CD34: variants seen among roughly 807,000 people sequenced by gnomAD.
CD34 encodes the protein CD34 molecule, also known as hematopoietic progenitor cell antigen CD34.
CD34 carries 34 observed loss-of-function variants against 40.1 expected under a neutral mutation model. That is an observed-to-expected ratio of 0.85 (90% CI 0.65 to 1.13). The LOEUF is 1.13. Ranked by LOEUF, CD34 falls within the 50% of genes most tolerant of loss-of-function variation. The pLI, the probability that CD34 is intolerant of heterozygous loss-of-function variation, is 0.00. For synonymous variants in CD34, 209 were observed against 190.0 expected, an observed-to-expected ratio of 1.10 and a Z score of -0.82; for missense variants, 426 against 466.9, an observed-to-expected ratio of 0.91 and a Z score of 0.81.
rs1662005159 is a variant in CD34 at position 207,890,273 on chromosome 1, A to G, written c.598-652T>C. The G allele has an allele frequency of 6.1e-6, 6 of 990,926 alleles. No individual in the cohort carries two copies. The South Asian group carries it at 2.3e-4, about 38-fold the overall frequency. The allele number at this position is 990,926 out of a possible 1,614,324, so 61.4% of individuals were successfully genotyped here. A position where few individuals can be genotyped will look rare whatever the true frequency, so the allele number is the denominator to read the frequency against. ...AGACCCAGGAATTTGGACTCAGAAG[A>G]AAAACTCTGATAATTCTTCAATAGT... On this transcript the variant is annotated intron_variant, in intron 4 of 7. Coordinates refer to ENST00000310833, the MANE Select transcript of CD34 (RefSeq NM_001025109.2).
Position 207,887,560 on chromosome 1 carries a change from A to T in CD34, c.*178T>A. On this transcript the variant is annotated 3_prime_UTR_variant, in exon 8 of 8. Coordinates refer to ENST00000310833, the MANE Select transcript of CD34 (RefSeq NM_001025109.2). ...CTCCAGGGAGCCGAATGTGTAAAGG[A>T]CAGGAGTTTACCTGCCCCTCCTCAA... is the stretch of plus-strand genomic sequence containing the variant. The T allele has an allele frequency of 1.2e-6, 1 of 807,674 alleles. No homozygotes were observed. Among genetic ancestry groups the T allele is most frequent in the Non-Finnish European group, 1.9e-6 (1 of 523,580 alleles). 50.0% of individuals were successfully genotyped at this position (807,674 alleles called of 1,614,324 possible).
In CD34 at chr1:207,898,437, T is replaced by C. The variant is rs138919097; in HGVS notation, c.516+536A>G. ...TTTCTGTCCTGCATGCTGAAAGCTG[T>C]TGACAGTCATAGGCCCTAAGGCTGA... On this transcript the variant is annotated intron_variant, in intron 3 of 7. Transcript: ENST00000310833. Among the ~76,000 whole-genome samples the C allele has an allele frequency of 2.6e-3, 392 of 152,296 alleles. 3 individuals carry two copies. Among genetic ancestry groups the C allele is most frequent in the African/African-American group, 9.1e-3 (378 of 41,562 alleles).
chr1:207,904,850 A>C (rs941252370), intron 1 of CD34, among the ~76,000 whole-genome samples: 1 of 152,216 alleles, frequency 6.6e-6, no homozygotes, highest in African/African-American at 2.4e-5. Context: ...GGAGTTTAGG[A>C]AAAGCAATAG....
In CD34 at chr1:207,911,061, G is replaced by T. The variant is rs1453770077; in HGVS notation, c.20C>A (p.Ala7Glu). Residue 7 changes from alanine to glutamate, a missense_variant, in exon 1 of 8, where the codon GCG (alanine) becomes GAG (glutamate). Physicochemically the swap from Ala to Glu is moderately radical, Grantham distance 107. Transcript: ENST00000310833. MLVRRG[A>E]RAGPRMPRGW... is the part of the protein sequence containing the mutation. Reference sequence around the variant, plus strand: ...CCGCGGCATCCTGGGCCCTGCGCGCGCGCCCCTGCGGACCAGCATCCTTCC... The same window carrying T: ...CCGCGGCATCCTGGGCCCTGCGCGCTCGCCCCTGCGGACCAGCATCCTTCC... The T allele has an allele frequency of 1.9e-6, 3 of 1,588,608 alleles. No individual in the cohort carries two copies. Among genetic ancestry groups the T allele is most frequent in the Non-Finnish European group, 2.6e-6 (3 of 1,171,028 alleles).
At chr1:207,906,988 G>A (rs564573227) in intron 1 of CD34, among the ~76,000 whole-genome samples, 2 of 152,150 alleles carry the variant, frequency 1.3e-5, no homozygotes, top group Admixed American at 1.3e-4. Flanking sequence ...CAGCACCACA[G>A]ACTCCTGGGT....
intron 4 of CD34, chr1:207,890,466 T>C (rs1662009855): frequency 6.5e-6 from 1 of 153,714 alleles, no homozygotes; most frequent in South Asian, 2.1e-4. Context: ...CTGGGGTGTG[T>C]GACCATCATC....
intron 4 of CD34, chr1:207,889,873 A>T (rs190458103): frequency 3.2e-6 from 5 of 1,554,470 alleles, no homozygotes; most frequent in East Asian, 2.3e-5. Context: ...GAACAAACTT[A>T]AAAAAATTGT....
At chr1:207,906,744 T>G (rs1404185829) in intron 1 of CD34, among the ~76,000 whole-genome samples, 2 of 151,998 alleles carry the variant, frequency 1.3e-5, no homozygotes, top group African/African-American at 2.4e-5. Flanking sequence ...CTTAGGAGGC[T>G]GAGGAAGGAG....
chr1:207,900,870 A>G (rs1462137368), intron 1 of CD34, among the ~76,000 whole-genome samples: 1 of 152,196 alleles, frequency 6.6e-6, no homozygotes, highest in Non-Finnish European at 1.5e-5. Flanking sequence ...GATTGCTGGG[A>G]TAAACAATGA....
At chr1:207,890,121 A>T (rs1009896) in intron 4 of CD34, 757,752 of 1,133,996 alleles carry the variant, frequency 0.67, 255,182 homozygotes, top group East Asian at 0.95. Context: ...AGGAGTCTCA[A>T]AAAGTGCATT....
intron 5 of CD34, 119 bp downstream of exon 5, chr1:207,889,346 C>A: frequency 6.5e-7 from 1 of 1,540,804 alleles, no homozygotes; most frequent in South Asian, 1.2e-5. Flanking sequence ...CAAAGCCAGC[C>A]AAGTCCTTCT....
chr1:207,888,452 C>T (rs545467266), intron 7 of CD34, among the ~76,000 whole-genome samples: 5 of 152,360 alleles, frequency 3.3e-5, no homozygotes, highest in African/African-American at 1.2e-4. Context: ...CACGAATCAT[C>T]TGCTACCACA....
At chr1:207,892,643 C>A (rs976724805) in intron 4 of CD34, among the ~76,000 whole-genome samples, 1 of 151,680 alleles carries the variant, frequency 6.6e-6, no homozygotes. Flanking sequence ...AGATAAATAG[C>A]AGCTGCTACT....
intron 4 of CD34, among the ~76,000 whole-genome samples, chr1:207,896,261 C>T (rs181421302): frequency 6.6e-6 from 1 of 152,300 alleles, no homozygotes; most frequent in East Asian, 1.9e-4. Flanking sequence ...CTCATCCTTC[C>T]TCCAGAGCCA....
At position 207,888,400 on chromosome 1, in the gene CD34, GC is replaced by G. The variant is rs1661955051; in HGVS notation, c.972+281del. On this transcript the variant is annotated intron_variant, in intron 7 of 7. Transcript: ENST00000310833. The stretch of plus-strand genomic sequence containing the variant: ...GCTGATTAAACAGCCTGTTCTGGTG[GC>G]CCCAAGCTGAACTATCCCAGAAAAC... Among the ~76,000 whole-genome samples, 7 of 152,310 alleles carry G rather than the reference GC, an allele frequency of 4.6e-5. No homozygotes were observed. In the South Asian group the frequency reaches 1.4e-3, roughly 32 times the overall value.
rs552296063 is a variant in CD34 at position 207,885,229 on chromosome 1, G to C, written c.*2509C>G. 1.3e-5 allele frequency: 2 copies of C among 152,164 alleles called. No individual in the cohort carries two copies. The highest frequency in any genetic ancestry group is 2.9e-5 in the Non-Finnish European group (2 of 68,048). The allele number at this position is 152,164 out of a possible 1,614,324, so 9.4% of individuals were successfully genotyped here. A position where few individuals can be genotyped will look rare whatever the true frequency, so the allele number is the denominator to read the frequency against. On this transcript the variant is annotated 3_prime_UTR_variant, in exon 8 of 8. Coordinates refer to ENST00000310833, the MANE Select transcript of CD34 (RefSeq NM_001025109.2). Reference sequence around the variant, plus strand: ...CGATTGAGCTGAGGCTGAGCAGTAGGACCTCAATAAGGCCAGCAGGTGGCG... The same window carrying C: ...CGATTGAGCTGAGGCTGAGCAGTAGCACCTCAATAAGGCCAGCAGGTGGCG...
In CD34 at chr1:207,888,954, T is replaced by C. The variant is rs57516071; in HGVS notation, c.808-108A>G. 189 of 1,140,596 alleles carry C rather than the reference T, an allele frequency of 1.7e-4. No homozygotes were observed. In the African/African-American group the frequency reaches 1.9e-3, roughly 11 times the overall value. The allele number at this position is 1,140,596 out of a possible 1,614,324, so 70.7% of individuals were successfully genotyped here. A position where few individuals can be genotyped will look rare whatever the true frequency, so the allele number is the denominator to read the frequency against. Reference sequence around the variant, plus strand: ...AACAGTGAACAGATGCTTGAGGGCATTGACCTCAGGAATTTTTGAAATGGG... The same window carrying C: ...AACAGTGAACAGATGCTTGAGGGCACTGACCTCAGGAATTTTTGAAATGGG... On this transcript the variant is annotated intron_variant, in intron 6 of 7. Transcript: ENST00000310833.
chr1:207,887,525 CAG>C lies in CD34; in HGVS notation c.*211_*212del. ...CGTCACACGTTTACCCAAAGAAGAC[CAG>C]AGTCTGGCTCCAGGGAGCCGAATGT... On this transcript the variant is annotated 3_prime_UTR_variant, in exon 8 of 8. Transcript: ENST00000310833. 1.6e-6 allele frequency: 1 copy of C among 630,392 alleles called. No individual in the cohort carries two copies. Among genetic ancestry groups the C allele is most frequent in the Non-Finnish European group, 2.7e-6 (1 of 375,354 alleles). The allele number at this position is 630,392 out of a possible 1,614,324, so 39.0% of individuals were successfully genotyped here.
rs939244522 is a variant in CD34, at chr1:207,883,220, T to C, written c.*4518A>G. On this transcript the variant is annotated 3_prime_UTR_variant, in exon 8 of 8. Coordinates refer to ENST00000310833, the MANE Select transcript of CD34 (RefSeq NM_001025109.2). ...TCATACCAGAAAACACATTGTCCTT[T>C]GACAGTACCTTATCTTTCCCCATCA... 7 of 152,232 alleles carry C rather than the reference T, an allele frequency of 4.6e-5. No homozygotes were observed. The highest frequency in any genetic ancestry group is 1.7e-4 in the African/African-American group (7 of 41,452). The allele number at this position is 152,232 out of a possible 1,614,324, so 9.4% of individuals were successfully genotyped here. A position where few individuals can be genotyped will look rare whatever the true frequency, so the allele number is the denominator to read the frequency against.
Sources: allele counts gnomAD v4.1 joint callset (sites outside exome capture counted in the v4.1 genomes callset), GRCh38; gene constraint gnomAD v4.1.1; transcripts MANE v1.5; gene names NCBI Gene and HGNC (gene_info 2026-07-23, HGNC 2026-07-21).